The following UGCG variants were observed in gnomAD, a reference collection of about 807,000 sequenced individuals.
UGCG encodes the protein UDP-glucose ceramide glucosyltransferase, also known as ceramide glucosyltransferase.
Under a neutral mutation model 49.5 loss-of-function variants are expected in UGCG, and 10 were observed. That is an observed-to-expected ratio of 0.20 (90% confidence interval 0.12 to 0.34). The LOEUF (loss-of-function observed/expected upper bound fraction) is 0.34, where lower values mean the gene tolerates loss of function less well. Among genes scored for constraint, UGCG ranks in the 10% least tolerant of loss-of-function variants. UGCG has a pLI of 1.00. For missense variants in UGCG, 312 were observed against 483.7 expected, an observed-to-expected ratio of 0.65 and a Z score of 3.33; for synonymous variants, 182 against 158.2, an observed-to-expected ratio of 1.15 and a Z score of -1.13.
Position 111,897,272 on chromosome 9 carries a change from C to T in UGCG, c.57C>T (p.Phe19=), listed in dbSNP as rs776447193. 3 of 1,561,270 alleles carry T rather than the reference C, an allele frequency of 1.9e-6. No individual in the cohort carries two copies. Among genetic ancestry groups the T allele is most frequent in the South Asian group, 1.2e-5 (1 of 84,800 alleles). Residue 19 remains phenylalanine (F), a synonymous_variant, in exon 1 of 9, where the codon TTC becomes TTT. Coordinates refer to ENST00000374279, the MANE Select transcript of UGCG (RefSeq NM_003358.3). Reference sequence around the variant, plus strand: ...TGGCCGTCTTCGGGTTCGTCCTCTTCTTGGTGCTGTGGCTGATGCATTTCA... The same window carrying T: ...TGGCCGTCTTCGGGTTCGTCCTCTTTTTGGTGCTGTGGCTGATGCATTTCA... ...EGMAVFGFVL[F]LVLWLMHFMA... is the part of the protein sequence containing the mutation.
At chr9:111,906,284 A>G (rs1589518443) in intron 1 of UGCG, among the ~76,000 whole-genome samples, 1 of 152,284 alleles carries the variant, frequency 6.6e-6, no homozygotes, top group Non-Finnish European at 1.5e-5. Context: ...ACTAGTTACC[A>G]TAGCCTGACC....
At chr9:111,924,746 A>C (rs775979551) in intron 3 of UGCG, 31 bp from the exon 4 acceptor site, 1 of 1,230,992 alleles carries the variant, frequency 8.1e-7, no homozygotes, top group Non-Finnish European at 1.1e-6. Flanking sequence ...TGTTGCATAA[A>C]TCTTTTACTA....
intron 1 of UGCG, among the ~76,000 whole-genome samples, chr9:111,910,418 C>G (rs1473455538): frequency 6.6e-6 from 1 of 152,168 alleles, no homozygotes; most frequent in East Asian, 1.9e-4. Context: ...TCATCCACAT[C>G]TCAAACTTTT....
chr9:111,914,900 A>G (rs1304120800), intron 2 of UGCG, 154 bp downstream of exon 2: 10 of 1,105,126 alleles, frequency 9.0e-6, no homozygotes, highest in Non-Finnish European at 9.8e-6. Flanking sequence ...AGTAGTCATC[A>G]CAGAACAGAA....
chr9:111,914,632 T>C lies in UGCG; in HGVS notation c.126T>C (p.Thr42=), dbSNP rs781407253. The C allele has an allele frequency of 1.6e-5, 26 of 1,613,936 alleles. No individual in the cohort carries two copies. In the East Asian group the frequency reaches 5.3e-4, roughly 33 times the overall value. ...YTRLHLNKKA[T]DKQPYSKLPG... ...GATTACACCTCAACAAGAAGGCAAC[T>C]GACAAACAGCCTTATAGCAAGCTCC... Residue 42 remains threonine, a synonymous_variant, in exon 2 of 9, where the codon ACT becomes ACC. Coordinates refer to ENST00000374279, the MANE Select transcript of UGCG (RefSeq NM_003358.3).
Position 111,922,859 on chromosome 9 carries a change from T to C in UGCG, c.251T>C (p.Leu84Pro). Residue 84 changes from leucine (L) to proline (P), a missense_variant, in exon 3 of 9, where the codon CTC becomes CCC. Leu to Pro is a moderately conservative substitution (Grantham distance 98). Transcript: ENST00000374279. ...ATGCTTTTTGACTAGTATGAAGTGC[T>C]CCTTTGTGTACAAGATCATGATGAT... is the stretch of plus-strand genomic sequence containing the variant. ...FELDYPKYEV[L>P]LCVQDHDDPA... is the part of the protein sequence containing the mutation. The C allele has an allele frequency of 6.2e-7, 1 of 1,610,902 alleles. No individual in the cohort carries two copies. The highest frequency in any genetic ancestry group is 8.5e-7 in the Non-Finnish European group (1 of 1,178,604).
At chr9:111,932,503 T>A in intron 8 of UGCG, 144 bp downstream of exon 8, 1 of 875,594 alleles carries the variant, frequency 1.1e-6, no homozygotes, top group Non-Finnish European at 1.7e-6. Flanking sequence ...TGACTTTCTC[T>A]AGTGGAATGT....
At position 111,922,444 on chromosome 9, in the gene UGCG, A is replaced by T. The variant is rs145830742; in HGVS notation, c.241-405A>T. Reference sequence around the variant, plus strand: ...GTATAGAGACAAAGCTTCTAGAGAGAGGTTGTGTTTATTTTGCTTCCTTTT... The same window carrying T: ...GTATAGAGACAAAGCTTCTAGAGAGTGGTTGTGTTTATTTTGCTTCCTTTT... On this transcript the variant is annotated intron_variant, in intron 2 of 8. Transcript: ENST00000374279. Among the ~76,000 whole-genome samples the T allele has an allele frequency of 4.9e-3, 748 of 152,194 alleles. 6 individuals carry two copies. The highest frequency in any genetic ancestry group is 0.017 in the African/African-American group (717 of 41,518).
intron 2 of UGCG, among the ~76,000 whole-genome samples, chr9:111,915,530 C>T (rs1589522827): frequency 2.6e-5 from 4 of 152,314 alleles, no homozygotes; most frequent in Admixed American, 2.0e-4. Flanking sequence ...CTTTAAGCTT[C>T]TACCCACTTG....
intron 2 of UGCG, among the ~76,000 whole-genome samples, chr9:111,919,228 A>G (rs987830010): frequency 2.0e-5 from 3 of 152,226 alleles, no homozygotes; most frequent in African/African-American, 4.8e-5. Flanking sequence ...GGCTGGGCAT[A>G]GTGGCTCATG....
intron 1 of UGCG, among the ~76,000 whole-genome samples, chr9:111,902,163 T>A (rs1297498730): frequency 6.6e-6 from 1 of 152,264 alleles, no homozygotes; most frequent in Non-Finnish European, 1.5e-5. Context: ...GTTCAAGTCA[T>A]TTTAGACTTT....
At chr9:111,908,777 A>C (rs909646081) in intron 1 of UGCG, among the ~76,000 whole-genome samples, 6 of 152,232 alleles carry the variant, frequency 3.9e-5, no homozygotes, top group African/African-American at 1.4e-4. Context: ...CTGTCTAGGA[A>C]ATGCAGAAAC....
intron 1 of UGCG, among the ~76,000 whole-genome samples, chr9:111,908,980 G>A (rs1241540110): frequency 6.6e-6 from 1 of 152,132 alleles, no homozygotes; most frequent in Admixed American, 6.5e-5. Context: ...GTGCAGTGGT[G>A]CGATCTCGGC....
chr9:111,922,447 T>C (rs776795557), intron 2 of UGCG, among the ~76,000 whole-genome samples: 11 of 152,148 alleles, frequency 7.2e-5, no homozygotes, highest in Non-Finnish European at 1.5e-4. Context: ...TAGAGAGAGG[T>C]TGTGTTTATT....
intron 1 of UGCG, among the ~76,000 whole-genome samples, chr9:111,903,627 G>A (rs553300990): frequency 1.3e-5 from 2 of 152,154 alleles, no homozygotes; most frequent in African/African-American, 2.4e-5. Flanking sequence ...ATAGGGTCTC[G>A]CTCTGTTACC....
At chr9:111,912,750 T>C (rs1838036605) in intron 1 of UGCG, among the ~76,000 whole-genome samples, 1 of 152,188 alleles carries the variant, frequency 6.6e-6, no homozygotes. Context: ...TAAAAAGCAA[T>C]GCTGGACCAG....
chr9:111,898,811 GAGA>G (rs960108400), intron 1 of UGCG, among the ~76,000 whole-genome samples: 7 of 152,186 alleles, frequency 4.6e-5, no homozygotes, highest in East Asian at 1.9e-4. Flanking sequence ...GTGAGAGAGA[GAGA>G]AGGAGGGAGG....
intron 6 of UGCG, among the ~76,000 whole-genome samples, chr9:111,931,036 A>T (rs2118603561): frequency 6.6e-6 from 1 of 152,218 alleles, no homozygotes; most frequent in South Asian, 2.1e-4. Context: ...CTTAAATTGT[A>T]AAGTAAGGTG....
At chr9:111,915,848 T>A (rs537534805) in intron 2 of UGCG, 1 of 976,304 alleles carries the variant, frequency 1.0e-6, no homozygotes, top group South Asian at 4.7e-5. Context: ...TAGGTAGACA[T>A]GAGTATCATT....
Sources: gnomAD v4.1 joint callset for allele counts (sites outside exome capture counted in the v4.1 genomes callset) on GRCh38, gnomAD v4.1.1 for gene constraint, MANE v1.5 for transcripts, NCBI Gene and HGNC (gene_info 2026-07-23, HGNC 2026-07-21) for gene names.